Variants in RBM28 observed in about 807,000 individuals in gnomAD.
RBM28 encodes RNA binding motif protein 28.
A neutral mutation model predicts 98.3 loss-of-function variants in RBM28; 78 were observed. The ratio of observed to expected loss-of-function variants is 0.79; its 90% CI spans 0.66 to 0.96. The LOEUF (loss-of-function observed/expected upper bound fraction) is 0.96. RBM28 is among the 40% of genes least tolerant of loss of function. The probability of loss-of-function intolerance (pLI) is 0.00; values close to 1 mark genes in which losing one functional copy is unlikely to be tolerated. For synonymous variants in RBM28, 306 were observed against 330.9 expected (o/e 0.92, Z 0.82); for missense variants, 838 against 913.0 (o/e 0.92, Z 1.06).
chr7:128,336,065 G>C (rs359651), intron 6 of RBM28, 23 bp from the exon 7 acceptor site: 16 of 1,586,884 alleles, frequency 1.0e-5, no homozygotes, highest in Admixed American at 1.7e-5. Context: ...GTAAAGAAAG[G>C]AGGAATTCAT....
chr7:128,330,775 G>C (rs778040685), intron 10 of RBM28, 44 bp downstream of exon 10: 1 of 1,366,654 alleles, frequency 7.3e-7, no homozygotes, highest in Non-Finnish European at 1.0e-6. Context: ...GCCCACGGCA[G>C]TGGTCTCAAC....
In RBM28 at chr7:128,298,154, G is replaced by T. The variant is rs895672108; in HGVS notation, c.*12643C>A. ...ATAATAAAAAAAAAAGACAATACGC[G>T]CACAGTTGAACATAGACCCTTATCA... On this transcript the variant is annotated 3_prime_UTR_variant, in exon 19 of 19. Transcript: ENST00000223073. The T allele has an allele frequency of 6.6e-6, 1 of 152,062 alleles. No individual in the cohort carries two copies. Among genetic ancestry groups the T allele is most frequent in the African/African-American group, 2.4e-5 (1 of 41,476 alleles). 9.4% of individuals were successfully genotyped at this position (152,062 alleles called of 1,614,324 possible). A position where few individuals can be genotyped will look rare whatever the true frequency, so the allele number is the denominator to read the frequency against.
At chr7:128,332,357 T>TG (rs1491285003) in intron 9 of RBM28, among the ~76,000 whole-genome samples, 6 of 120,242 alleles carry the variant, frequency 5.0e-5, no homozygotes, top group Admixed American at 4.6e-4. Context: ...AGAAAACAAA[T>TG]TTTTTTTTTT....
At chr7:128,336,996 A>G in intron 6 of RBM28, 135 bp downstream of exon 6, 2 of 924,512 alleles carry the variant, frequency 2.2e-6, no homozygotes, top group South Asian at 2.6e-5. Context: ...AATCCACCCA[A>G]AGTGCTGGAA....
intron 10 of RBM28, 136 bp from the exon 11 acceptor site, chr7:128,326,027 G>A (rs760384636): frequency 1.6e-5 from 12 of 748,190 alleles, no homozygotes; most frequent in East Asian, 2.7e-5. Flanking sequence ...CCATGTAGCC[G>A]GGTGCAGTGG....
intron 8 of RBM28, among the ~76,000 whole-genome samples, chr7:128,333,912 T>A (rs1562957363): frequency 6.6e-6 from 1 of 152,180 alleles, no homozygotes. Context: ...CATTTCCATA[T>A]ACTACTATGA....
In RBM28 at chr7:128,335,956, C is replaced by G; in HGVS notation, c.700G>C (p.Asp234His). The change falls in exon 7 of 19, where the codon GAT (aspartate) becomes CAT (histidine). Residue 234 changes from aspartate (D) to histidine (H), a missense_variant. Physicochemically the swap from Asp to His is moderately conservative, Grantham distance 81. Transcript: ENST00000223073. ...EEEDMEEEENDDDDDDDDEED... is the reference protein window; with the variant it reads ...EEEDMEEEENHDDDDDDDEED... The stretch of plus-strand genomic sequence containing the variant: ...TCATCATCATCATCGTCATCATCAT[C>G]GTTTTCTTCCTCTTCCATATCCTCT... 6.2e-7 allele frequency: 1 copy of G among 1,606,742 alleles called. No homozygotes were observed.
At chr7:128,321,545 G>T in intron 13 of RBM28, 121 bp from the exon 14 acceptor site, 1 of 1,242,780 alleles carries the variant, frequency 8.0e-7, no homozygotes, top group Non-Finnish European at 1.2e-6. Context: ...AAAACGGATG[G>T]AAACTGCCCA....
At chr7:128,335,490 A>G in intron 8 of RBM28, 53 bp downstream of exon 8, 1 of 1,607,186 alleles carries the variant, frequency 6.2e-7, no homozygotes, top group Non-Finnish European at 8.5e-7. Flanking sequence ...TCATTTCCGT[A>G]ACTTCAGTAA....
chr7:128,334,033 A>G (rs1796543130), intron 8 of RBM28, among the ~76,000 whole-genome samples: 2 of 152,230 alleles, frequency 1.3e-5, no homozygotes, highest in Non-Finnish European at 2.9e-5. Flanking sequence ...GAATGTGTAT[A>G]TGTGTGTGTA....
intron 1 of RBM28, 127 bp from the exon 2 acceptor site, chr7:128,339,918 C>T: frequency 8.7e-7 from 1 of 1,152,336 alleles, no homozygotes; most frequent in Non-Finnish European, 1.2e-6. Context: ...ACCCATCTTG[C>T]TATCAGTTTG....
rs1795813068 is a variant in RBM28 at position 128,303,825 on chromosome 7, C to T, written c.*6972G>A. On this transcript the variant is annotated 3_prime_UTR_variant, in exon 19 of 19. Transcript: ENST00000223073. Reference sequence around the variant, plus strand: ...CATTATTCTTCCCAGGCGGGGTCAACTTCCTCTATTAACACCCATGCACGT... The same window carrying T: ...CATTATTCTTCCCAGGCGGGGTCAATTTCCTCTATTAACACCCATGCACGT... 6.6e-6 allele frequency: 1 copy of T among 152,232 alleles called. No individual in the cohort carries two copies. The highest frequency in any genetic ancestry group is 6.5e-5 in the Admixed American group (1 of 15,282). 9.4% of individuals were successfully genotyped at this position (152,232 alleles called of 1,614,324 possible). A position where few individuals can be genotyped will look rare whatever the true frequency, so the allele number is the denominator to read the frequency against.
In RBM28 at chr7:128,323,602, A is replaced by T; in HGVS notation, c.1340-11T>A. The T allele has an allele frequency of 6.2e-7, 1 of 1,614,182 alleles. No individual in the cohort carries two copies. Among genetic ancestry groups the T allele is most frequent in the Non-Finnish European group, 8.5e-7 (1 of 1,180,034 alleles). On this transcript the variant is annotated splice_polypyrimidine_tract_variant and intron_variant, in intron 12 of 18. Transcript: ENST00000223073. ...TCCCAGCACGAATCACTGCAGAAAGAGGGAAAAAGGCCAAGACATCAACAA... is the reference window on the plus strand; with the variant it reads ...TCCCAGCACGAATCACTGCAGAAAGTGGGAAAAAGGCCAAGACATCAACAA...
rs756245197 is a variant in RBM28, at chr7:128,335,501, C to T, written c.946+42G>A. ...ATGCTCATTTCCGTAACTTCAGTAA[C>T]TTTTTTAAAGTCTAAAGACATTTAT... On this transcript the variant is annotated intron_variant, in intron 8 of 18. Coordinates refer to ENST00000223073, the MANE Select transcript of RBM28 (RefSeq NM_018077.3). The T allele has an allele frequency of 3.7e-6, 6 of 1,613,078 alleles. No individual in the cohort carries two copies. The African/African-American group carries it at 6.7e-5, about 18-fold the overall frequency.
rs958352488 is a variant in RBM28 at position 128,306,518 on chromosome 7, G to GA, written c.*4278dup. On this transcript the variant is annotated 3_prime_UTR_variant, in exon 19 of 19. Transcript: ENST00000223073. ...GGTGTTGTGGGGTATGTGGAAAAGT[G>GA]AAAAAATAATAGTCCCTGCCTTAAA... is the stretch of plus-strand genomic sequence containing the variant. 2 of 152,048 alleles carry GA rather than the reference G, an allele frequency of 1.3e-5. No individual in the cohort carries two copies. Among genetic ancestry groups the GA allele is most frequent in the African/African-American group, 4.8e-5 (2 of 41,394 alleles). The allele number at this position is 152,048 out of a possible 1,614,324, so 9.4% of individuals were successfully genotyped here. A position where few individuals can be genotyped will look rare whatever the true frequency, so the allele number is the denominator to read the frequency against.
chr7:128,337,100 C>A, intron 6 of RBM28, 31 bp downstream of exon 6: 3 of 1,606,024 alleles, frequency 1.9e-6, no homozygotes, highest in East Asian at 2.2e-5. Flanking sequence ...TTATACAACG[C>A]CCCTACTCAC....
chr7:128,315,121 G>C, intron 16 of RBM28, 101 bp from the exon 17 acceptor site: 2 of 1,521,294 alleles, frequency 1.3e-6, no homozygotes, highest in Non-Finnish European at 1.8e-6. Flanking sequence ...TGAAAGAAGA[G>C]GAATTCTTCC....
In RBM28 at chr7:128,307,952, T is replaced by C. The variant is rs1349078374; in HGVS notation, c.*2845A>G. The C allele has an allele frequency of 3.3e-5, 5 of 152,172 alleles. No homozygotes were observed. Among genetic ancestry groups the C allele is most frequent in the African/African-American group, 1.2e-4 (5 of 41,446 alleles). 9.4% of individuals were successfully genotyped at this position (152,172 alleles called of 1,614,324 possible). A position where few individuals can be genotyped will look rare whatever the true frequency, so the allele number is the denominator to read the frequency against. ...ATGAGACTCTGTGCCCCACCTGTTG[T>C]TTTTTAACCAAGCAATCTGCAACTC... On this transcript the variant is annotated 3_prime_UTR_variant, in exon 19 of 19. Transcript: ENST00000223073.
chr7:128,338,435 G>A, intron 4 of RBM28, 93 bp from the exon 5 acceptor site: 1 of 1,077,098 alleles, frequency 9.3e-7, no homozygotes, highest in South Asian at 1.3e-5. Context: ...CCCACAAGAT[G>A]GCCCAAATTC....
Sources: allele counts gnomAD v4.1 joint callset (sites outside exome capture counted in the v4.1 genomes callset), GRCh38; gene constraint gnomAD v4.1.1; transcripts MANE v1.5; gene names NCBI Gene and HGNC (gene_info 2026-07-23, HGNC 2026-07-21).